The following CDYL2 variants were observed in gnomAD, a reference collection of about 807,000 sequenced individuals.
CDYL2 encodes the protein chromodomain Y like 2.
CDYL2 carries 23 observed loss-of-function variants against 49.4 expected under a neutral mutation model. That is an observed-to-expected ratio of 0.47 (90% confidence interval 0.34 to 0.66). The LOEUF (loss-of-function observed/expected upper bound fraction) is 0.66, where lower values mean the gene tolerates loss of function less well. Among genes scored for constraint, CDYL2 ranks in the 30% least tolerant of loss-of-function variants. The pLI, the probability that CDYL2 is intolerant of heterozygous loss-of-function variation, is 0.01. For synonymous variants in CDYL2, 360 were observed against 268.8 expected (o/e 1.34, Z -3.32); for missense variants, 678 against 656.4 (o/e 1.03, Z -0.36).
At chr16:80,804,758 C>A (rs1908050035), upstream of CDYL2, among the ~76,000 whole-genome samples, 2 of 149,582 alleles carry the variant, frequency 1.3e-5, no homozygotes, top group South Asian at 4.2e-4. Context: ...GCGGGGCCCC[C>A]GGGGGGCGGC....
At chr16:80,775,347 A>G (rs999535326) in intron 1 of CDYL2, among the ~76,000 whole-genome samples, 1 of 151,948 alleles carries the variant, frequency 6.6e-6, no homozygotes, top group Non-Finnish European at 1.5e-5. Context: ...AAACCACAAT[A>G]GTAACAAAAA....
At chr16:80,744,504 T>C (rs1488932218) in intron 1 of CDYL2, among the ~76,000 whole-genome samples, 2 of 152,164 alleles carry the variant, frequency 1.3e-5, no homozygotes, top group Non-Finnish European at 2.9e-5. Context: ...AAAAAGAAAT[T>C]AGCATGTAGG....
chr16:80,608,690 T>C (rs995552965), intron 5 of CDYL2, among the ~76,000 whole-genome samples: 8 of 152,300 alleles, frequency 5.3e-5, no homozygotes, highest in African/African-American at 1.9e-4. Context: ...AAAGTCTTTC[T>C]TCCTCTGTGA....
Position 80,685,231 on chromosome 16 carries a change from T to C in CDYL2, c.25-102A>G, listed in dbSNP as rs543909415. ...ATAAAGCCTTTGGGATAGAGGCATCTACCCTAGCCAGGGGGTGAGCCACGA... is the reference window on the plus strand; with the variant it reads ...ATAAAGCCTTTGGGATAGAGGCATCCACCCTAGCCAGGGGGTGAGCCACGA... On this transcript the variant is annotated intron_variant, in intron 1 of 6. Transcript: ENST00000570137. 34 of 891,980 alleles carry C rather than the reference T, an allele frequency of 3.8e-5. 1 individual carries two copies. The South Asian group carries it at 4.1e-4, about 11-fold the overall frequency. 55.3% of individuals were successfully genotyped at this position (891,980 alleles called of 1,614,324 possible).
In CDYL2 at chr16:80,633,137, C is replaced by A; in HGVS notation, c.716G>T (p.Ser239Ile). Residue 239 changes from serine to isoleucine, a missense_variant, in exon 3 of 7, where the codon AGT becomes ATT. Coordinates refer to ENST00000570137, the MANE Select transcript of CDYL2 (RefSeq NM_152342.4). ...ACAGTTGCTTTCATTCTGGCGGACA[C>A]TGTATCTGAGCCTTTTGTCAAAGAC... ...DYVFDKRLRY[S>I]VRQNESNCRF... is the part of the protein sequence containing the mutation. The A allele has an allele frequency of 6.2e-7, 1 of 1,614,244 alleles. No homozygotes were observed. The highest frequency in any genetic ancestry group is 8.5e-7 in the Non-Finnish European group (1 of 1,180,038).
chr16:80,674,399 T>C (rs1214093992), intron 2 of CDYL2, among the ~76,000 whole-genome samples: 1 of 151,506 alleles, frequency 6.6e-6, no homozygotes, highest in Non-Finnish European at 1.5e-5. Flanking sequence ...TTATTTTTCA[T>C]CCTACTTGCT....
chr16:80,793,402 T>A (rs1283158098), intron 1 of CDYL2, among the ~76,000 whole-genome samples: 2 of 152,178 alleles, frequency 1.3e-5, no homozygotes, highest in East Asian at 3.9e-4. Flanking sequence ...CAAGGTCTAG[T>A]GGAAGGCAAA....
At chr16:80,688,695 A>T (rs996725515) in intron 1 of CDYL2, among the ~76,000 whole-genome samples, 2 of 152,160 alleles carry the variant, frequency 1.3e-5, no homozygotes, top group East Asian at 3.9e-4. Context: ...CTAATCTTCT[A>T]TACATCTTTG....
At chr16:80,609,916 C>G (rs1344354920) in intron 5 of CDYL2, among the ~76,000 whole-genome samples, 1 of 152,146 alleles carries the variant, frequency 6.6e-6, no homozygotes, top group African/African-American at 2.4e-5. Context: ...TAGTCACTGA[C>G]GTGTGACTCT....
In CDYL2 at chr16:80,636,322, T is replaced by C. The variant is rs145081071; in HGVS notation, c.617-3086A>G. 4.1e-4 allele frequency among the ~76,000 whole-genome samples: 62 copies of C among 152,274 alleles called. 5 individuals are homozygous for C. In the East Asian group the frequency reaches 0.012, roughly 29 times the overall value. On this transcript the variant is annotated intron_variant, in intron 2 of 6. Transcript: ENST00000570137. ...GCTATCTATTCATCTGACAAAGGGC[T>C]AATATCCAGAATCTACAAGGAACTT...
At chr16:80,673,882 G>C (rs59165977) in intron 2 of CDYL2, among the ~76,000 whole-genome samples, 8 of 152,250 alleles carry the variant, frequency 5.3e-5, no homozygotes, top group African/African-American at 1.4e-4. Flanking sequence ...CAGGGGGCTT[G>C]GAGTCAAGAG....
At chr16:80,744,435 A>G (rs1905855258) in intron 1 of CDYL2, among the ~76,000 whole-genome samples, 1 of 152,218 alleles carries the variant, frequency 6.6e-6, no homozygotes, top group South Asian at 2.1e-4. Context: ...TTTCTGCAGG[A>G]AGCCCTGTTC....
At chr16:80,608,920 T>C (rs1466356225) in intron 5 of CDYL2, among the ~76,000 whole-genome samples, 1 of 152,210 alleles carries the variant, frequency 6.6e-6, no homozygotes, top group Non-Finnish European at 1.5e-5. Flanking sequence ...TAAGCTCCTT[T>C]TTTAAAAATT....
At chr16:80,671,049 C>T in intron 2 of CDYL2, 1 of 454,732 alleles carries the variant, frequency 2.2e-6, no homozygotes, top group South Asian at 1.5e-5. Flanking sequence ...TATGGCATCC[C>T]TGACCCCAGT....
At chr16:80,758,525 G>C (rs747766103) in intron 1 of CDYL2, among the ~76,000 whole-genome samples, 11 of 147,718 alleles carry the variant, frequency 7.4e-5, no homozygotes, top group Non-Finnish European at 1.2e-4. Context: ...CATAAATACA[G>C]AAGTTTGCTG....
At chr16:80,798,145 A>C (rs898698069) in intron 1 of CDYL2, among the ~76,000 whole-genome samples, 7 of 152,182 alleles carry the variant, frequency 4.6e-5, no homozygotes, top group Admixed American at 2.6e-4. Context: ...GACTCAAGCA[A>C]TCCCCCAACC....
At chr16:80,777,255 G>C (rs979318051) in intron 1 of CDYL2, among the ~76,000 whole-genome samples, 10 of 152,062 alleles carry the variant, frequency 6.6e-5, no homozygotes, top group African/African-American at 2.4e-4. Context: ...TTAAAACTAT[G>C]TGTCGAGTAC....
intron 1 of CDYL2, among the ~76,000 whole-genome samples, chr16:80,772,906 T>C (rs1485878166): frequency 1.3e-5 from 2 of 151,206 alleles, no homozygotes; most frequent in Admixed American, 6.6e-5. Context: ...GAACATAGAA[T>C]AGGTGGGACA....
rs996255169 is a variant in CDYL2, at chr16:80,716,027, T to C, written c.25-30898A>G. Among the ~76,000 whole-genome samples, 22 of 152,246 alleles carry C rather than the reference T, an allele frequency of 1.4e-4. 1 individual carries two copies. Among genetic ancestry groups the C allele is most frequent in the Admixed American group, 1.4e-3 (22 of 15,292 alleles). ...CTAAATCTCTTTATGCCTCAGTTCC[T>C]CATGGGGATGATAATCATTCCTCCT... On this transcript the variant is annotated intron_variant, in intron 1 of 6. Transcript: ENST00000570137.
Sources: gnomAD v4.1 joint callset for allele counts (sites outside exome capture counted in the v4.1 genomes callset) on GRCh38, gnomAD v4.1.1 for gene constraint, MANE v1.5 for transcripts, NCBI Gene and HGNC (gene_info 2026-07-23, HGNC 2026-07-21) for gene names.